Variants in DUS2 observed in about 807,000 individuals in gnomAD.
DUS2 encodes the protein dihydrouridine synthase 2.
DUS2 carries 52 observed loss-of-function variants against 71.3 expected under a neutral mutation model. The ratio of observed to expected loss-of-function variants is 0.73; its 90% CI spans 0.58 to 0.92. The LOEUF (loss-of-function observed/expected upper bound fraction) is 0.92. Among genes scored for constraint, DUS2 ranks in the 40% least tolerant of loss-of-function variants. The pLI is 0.00. For synonymous variants in DUS2, 204 were observed against 227.8 expected, an observed-to-expected ratio of 0.90 and a Z score of 0.94; for missense variants, 558 against 622.6, an observed-to-expected ratio of 0.90 and a Z score of 1.10.
At position 68,054,598 on chromosome 16, in the gene DUS2, C is replaced by T. The variant is rs953342893; in HGVS notation, c.289C>T (p.Leu97Phe). Reference protein sequence around the residue: ...QMGTSDAERALAVARLVENDV... With the variant: ...QMGTSDAERAFAVARLVENDV... The stretch of plus-strand genomic sequence containing the variant: ...GGGGACTTCAGACGCAGAGCGAGCC[C>T]TTGCTGTGGCCAGGCTTGTGTAAGT... Residue 97 changes from leucine (L) to phenylalanine (F), a missense_variant, in exon 6 of 17, where the codon CTT (leucine) becomes TTT (phenylalanine). Transcript: ENST00000565263. The T allele has an allele frequency of 3.7e-6, 6 of 1,614,030 alleles. No homozygotes were observed. The highest frequency in any genetic ancestry group is 5.1e-6 in the Non-Finnish European group (6 of 1,180,022).
At chr16:68,026,025 C>G (rs1598296954) in intron 2 of DUS2, among the ~76,000 whole-genome samples, 1 of 152,308 alleles carries the variant, frequency 6.6e-6, no homozygotes, top group East Asian at 1.9e-4. Context: ...AGGTCTTGCT[C>G]TGTCACCCAG....
chr16:68,058,621 T>C (rs2151421470), intron 7 of DUS2, among the ~76,000 whole-genome samples: 1 of 152,300 alleles, frequency 6.6e-6, no homozygotes, highest in South Asian at 2.1e-4. Context: ...TATATACCAT[T>C]TATATAAGGA....
intron 7 of DUS2, 33 bp downstream of exon 7, chr16:68,056,457 T>A: frequency 1.3e-6 from 2 of 1,562,948 alleles, no homozygotes; most frequent in Non-Finnish European, 8.8e-7. Flanking sequence ...CTCATAAACA[T>A]AGGATGCAGA....
intron 2 of DUS2, among the ~76,000 whole-genome samples, chr16:68,031,092 A>G (rs1377403693): frequency 1.3e-5 from 2 of 152,128 alleles, no homozygotes; most frequent in Non-Finnish European, 1.5e-5. Context: ...CTCTGGAAAG[A>G]ATACTTGCCC....
At position 68,027,427 on chromosome 16, in the gene DUS2, G is replaced by A. The variant is rs536321197; in HGVS notation, c.-19+1933G>A. On this transcript the variant is annotated intron_variant, in intron 2 of 16. Transcript: ENST00000565263. ...CTAATTTTGTATTTTTAGTAGAGAC[G>A]TGGTTTCTCCATGTTGGTCAGGCTG... Among the ~76,000 whole-genome samples the A allele has an allele frequency of 7.2e-5, 11 of 152,214 alleles. No individual in the cohort carries two copies. In the East Asian group the frequency reaches 1.4e-3, roughly 19 times the overall value.
chr16:68,030,339 A>G (rs1407311282), intron 2 of DUS2, among the ~76,000 whole-genome samples: 3 of 151,956 alleles, frequency 2.0e-5, no homozygotes, highest in African/African-American at 4.8e-5. Flanking sequence ...CACATCTGCA[A>G]TCCCAGCACT....
At chr16:68,046,908 G>A (rs1365077491) in intron 3 of DUS2, among the ~76,000 whole-genome samples, 1 of 151,822 alleles carries the variant, frequency 6.6e-6, no homozygotes, top group South Asian at 2.1e-4. Context: ...CACCACACCC[G>A]GCTAATTTTG....
At chr16:68,023,438 G>A (rs866003090) in intron 1 of DUS2, 87 bp downstream of exon 1, 19 of 561,834 alleles carry the variant, frequency 3.4e-5, no homozygotes, top group African/African-American at 2.6e-4. Flanking sequence ...CTGGAGGCTG[G>A]CGATACGAGG....
At chr16:68,023,649 GAA>G in intron 1 of DUS2, 1 of 181,118 alleles carries the variant, frequency 5.5e-6, no homozygotes, top group Non-Finnish European at 1.3e-5. Context: ...GAGTTTGAAT[GAA>G]TGATCAGGCC....
At chr16:68,032,943 G>C (rs1282592827) in intron 2 of DUS2, among the ~76,000 whole-genome samples, 1 of 150,184 alleles carries the variant, frequency 6.7e-6, no homozygotes, top group African/African-American at 2.4e-5. Context: ...GGAATGCCAG[G>C]GTGGCCAGGG....
intron 3 of DUS2, among the ~76,000 whole-genome samples, chr16:68,043,709 C>T (rs994157441): frequency 2.6e-5 from 4 of 152,014 alleles, no homozygotes; most frequent in Non-Finnish European, 5.9e-5. Context: ...CTGTTGCCCA[C>T]GCAGGAGTGC....
intron 2 of DUS2, among the ~76,000 whole-genome samples, chr16:68,034,989 G>C (rs1357046271): frequency 6.6e-6 from 1 of 152,046 alleles, no homozygotes; most frequent in Non-Finnish European, 1.5e-5. Context: ...GGGCAACAGA[G>C]CAAGACTCTG....
chr16:68,026,576 G>A (rs1258788738), intron 2 of DUS2, among the ~76,000 whole-genome samples: 1 of 152,006 alleles, frequency 6.6e-6, no homozygotes, highest in Non-Finnish European at 1.5e-5. Context: ...TTTCCCGAGT[G>A]ATGTTATTAA....
chr16:68,056,514 C>G, intron 7 of DUS2, 90 bp downstream of exon 7: 1 of 1,080,662 alleles, frequency 9.3e-7, no homozygotes. Context: ...TAACTCTGGA[C>G]TGGATTCTGT....
intron 12 of DUS2, 92 bp from the exon 13 acceptor site, chr16:68,073,941 TG>T: frequency 6.5e-7 from 1 of 1,527,416 alleles, no homozygotes; most frequent in Non-Finnish European, 8.9e-7. Flanking sequence ...CATACATCTC[TG>T]GTGCCTTCTT....
At chr16:68,034,410 A>G (rs1012378919) in intron 2 of DUS2, among the ~76,000 whole-genome samples, 1 of 151,580 alleles carries the variant, frequency 6.6e-6, no homozygotes, top group Non-Finnish European at 1.5e-5. Flanking sequence ...TAAAGATGGG[A>G]TTTTGCTATG....
intron 7 of DUS2, among the ~76,000 whole-genome samples, chr16:68,057,343 G>A (rs903356141): frequency 2.0e-5 from 3 of 149,696 alleles, no homozygotes; most frequent in Non-Finnish European, 4.4e-5. Flanking sequence ...ACAGGGCTGT[G>A]TCTTTTCATG....
chr16:68,065,311 G>C (rs2033990162), intron 8 of DUS2, among the ~76,000 whole-genome samples: 1 of 150,326 alleles, frequency 6.7e-6, no homozygotes, highest in South Asian at 2.1e-4. Flanking sequence ...CCCTCACCCT[G>C]TAAGTCCTGG....
chr16:68,058,279 T>G (rs762458486), intron 7 of DUS2, among the ~76,000 whole-genome samples: 9 of 151,120 alleles, frequency 6.0e-5, no homozygotes, highest in Non-Finnish European at 1.0e-4. Context: ...GGCTGGAGTG[T>G]AGCAGTGCAA....
Sources: gnomAD v4.1 joint callset for allele counts (sites outside exome capture counted in the v4.1 genomes callset) on GRCh38, gnomAD v4.1.1 for gene constraint, MANE v1.5 for transcripts, NCBI Gene and HGNC (gene_info 2026-07-23, HGNC 2026-07-21) for gene names.